UBE3D: variants seen among roughly 807,000 people sequenced by gnomAD.
UBE3D encodes the protein ubiquitin protein ligase E3D, also known as E3 ubiquitin-protein ligase E3D.
Under a neutral mutation model 49.6 loss-of-function variants are expected in UBE3D, and 48 were observed. That is an observed-to-expected ratio of 0.97 (90% confidence interval 0.77 to 1.23). The LOEUF (loss-of-function observed/expected upper bound fraction) is 1.23, where lower values mean the gene tolerates loss of function less well. UBE3D is among the 50% of genes most tolerant of loss of function. The pLI is 0.00. For synonymous variants in UBE3D, 189 were observed against 174.2 expected, an observed-to-expected ratio of 1.08 and a Z score of -0.67; for missense variants, 452 against 468.4, an observed-to-expected ratio of 0.96 and a Z score of 0.32.
rs1234942725 is a variant in UBE3D at position 83,025,902 on chromosome 6, A to AAG, written c.668-1865_668-1864insCT. The stretch of plus-strand genomic sequence containing the variant: ...CATCTTAAAAAAAAAAAAAAAAAAA[A>AAG]AAAGAAAAATTGTGTATGTATTGTG... On this transcript the variant is annotated intron_variant, in intron 5 of 9. Coordinates refer to ENST00000369747, the MANE Select transcript of UBE3D (RefSeq NM_198920.3). 6.9e-3 allele frequency among the ~76,000 whole-genome samples: 1,044 copies of AAG among 150,546 alleles called. 16 individuals carry two copies. The highest frequency in any genetic ancestry group is 0.024 in the African/African-American group (981 of 40,442).
chr6:82,996,030 A>G (rs1353093979), intron 8 of UBE3D, among the ~76,000 whole-genome samples: 1 of 152,012 alleles, frequency 6.6e-6, no homozygotes, highest in African/African-American at 2.4e-5. Flanking sequence ...ATGCCACCGC[A>G]CTCCAGCCTG....
At chr6:82,905,280 T>C in intron 9 of UBE3D, among the ~76,000 whole-genome samples, 1 of 152,196 alleles carries the variant, frequency 6.6e-6, no homozygotes, top group East Asian at 1.9e-4. Context: ...GCTCACTTCA[T>C]TTTTCTGCAT....
intron 6 of UBE3D, among the ~76,000 whole-genome samples, chr6:83,023,349 T>C (rs963741434): frequency 6.6e-6 from 1 of 152,230 alleles, no homozygotes; most frequent in Non-Finnish European, 1.5e-5. Flanking sequence ...AGCACATTTG[T>C]CTACAGCACT....
In UBE3D at chr6:82,892,752, C is replaced by G. The variant is rs55979660; in HGVS notation, c.*270G>C. 549 of 454,790 alleles carry G rather than the reference C, an allele frequency of 1.2e-3. 1 individual carries two copies. Among genetic ancestry groups the G allele is most frequent in the Non-Finnish European group, 1.9e-3 (467 of 244,586 alleles). 28.2% of individuals were successfully genotyped at this position (454,790 alleles called of 1,614,324 possible). On this transcript the variant is annotated 3_prime_UTR_variant, in exon 10 of 10. Coordinates refer to ENST00000369747, the MANE Select transcript of UBE3D (RefSeq NM_198920.3). The stretch of plus-strand genomic sequence containing the variant: ...ACACTGCACATATGTGAATATTCCT[C>G]TCTGTGGGAAATAGAGATGTAACTT...
intron 8 of UBE3D, among the ~76,000 whole-genome samples, chr6:83,014,205 C>T (rs1361361579): frequency 6.6e-6 from 1 of 152,226 alleles, no homozygotes; most frequent in Non-Finnish European, 1.5e-5. Flanking sequence ...GTCTTCTGCA[C>T]AGGCCAAATA....
intron 5 of UBE3D, 45 bp downstream of exon 5, chr6:83,038,371 A>G: frequency 7.0e-7 from 1 of 1,435,322 alleles, no homozygotes; most frequent in Non-Finnish European, 9.7e-7. Context: ...TCTGGCTTTT[A>G]AGCAAGAAGC....
chr6:83,049,528 T>C (rs1783316453), intron 3 of UBE3D, among the ~76,000 whole-genome samples: 1 of 152,226 alleles, frequency 6.6e-6, no homozygotes, highest in Non-Finnish European at 1.5e-5. Flanking sequence ...TTTGTAGAAA[T>C]GTGACTGTAT....
chr6:82,939,442 G>A (rs1487004208), intron 9 of UBE3D, among the ~76,000 whole-genome samples: 1 of 152,204 alleles, frequency 6.6e-6, no homozygotes, highest in African/African-American at 2.4e-5. Flanking sequence ...GGGACCACAT[G>A]TACAACAGTA....
intron 9 of UBE3D, among the ~76,000 whole-genome samples, chr6:82,900,979 T>G (rs1050570965): frequency 7.2e-5 from 11 of 152,202 alleles, no homozygotes; most frequent in African/African-American, 2.7e-4. Context: ...AATTCCTGTT[T>G]AAATACGTGA....
intron 8 of UBE3D, among the ~76,000 whole-genome samples, chr6:82,986,674 CAT>C (rs1199758014): frequency 1.3e-4 from 19 of 147,520 alleles, no homozygotes; most frequent in Non-Finnish European, 1.9e-4. Flanking sequence ...ATGGATTATA[CAT>C]ATATCTTTTA....
chr6:82,989,865 C>A lies in UBE3D; in HGVS notation c.1010+29108G>T, dbSNP rs552137969. Among the ~76,000 whole-genome samples, 18 of 152,350 alleles carry A rather than the reference C, an allele frequency of 1.2e-4. No homozygotes were observed. In the East Asian group the frequency reaches 3.3e-3, roughly 28 times the overall value. The stretch of plus-strand genomic sequence containing the variant: ...TCATTTTCCAGGCCTCACTGCCCTG[C>A]TTCCTCTGAACAAAACACATAATGC... On this transcript the variant is annotated intron_variant, in intron 8 of 9. Coordinates refer to ENST00000369747, the MANE Select transcript of UBE3D (RefSeq NM_198920.3).
chr6:82,888,805 T>C (rs1238116812), downstream of UBE3D, among the ~76,000 whole-genome samples: 1 of 142,428 alleles, frequency 7.0e-6, no homozygotes, highest in Non-Finnish European at 1.5e-5. Context: ...TTTTTAAAAA[T>C]GTTGTTTTGA....
chr6:83,060,781 TC>T (rs1417621446), intron 1 of UBE3D, among the ~76,000 whole-genome samples: 1 of 151,940 alleles, frequency 6.6e-6, no homozygotes, highest in African/African-American at 2.4e-5. Context: ...GCAGAAACCA[TC>T]CAGAAAGGAC....
intron 5 of UBE3D, among the ~76,000 whole-genome samples, chr6:83,025,653 C>T (rs907299503): frequency 6.6e-6 from 1 of 151,880 alleles, no homozygotes; most frequent in Non-Finnish European, 1.5e-5. Context: ...GAGGCTGAGG[C>T]GAGCAGATCA....
intron 9 of UBE3D, among the ~76,000 whole-genome samples, chr6:82,951,428 G>A (rs938244536): frequency 3.3e-5 from 5 of 152,132 alleles, no homozygotes; most frequent in Non-Finnish European, 7.4e-5. Flanking sequence ...GGTAAGATGT[G>A]GGAATAAACA....
At chr6:83,007,552 A>T (rs1473477675) in intron 8 of UBE3D, among the ~76,000 whole-genome samples, 1 of 152,238 alleles carries the variant, frequency 6.6e-6, no homozygotes, top group Non-Finnish European at 1.5e-5. Context: ...TACTCTTCAT[A>T]TTTCCAAAAC....
chr6:82,973,361 C>A lies in UBE3D; in HGVS notation c.1011-15911G>T, dbSNP rs375689222. On this transcript the variant is annotated intron_variant, in intron 8 of 9. Transcript: ENST00000369747. ...TTGCAGAGAGGTCTGATTATTGAAA[C>A]TGGAAAATATACTCCAGTTTTATTC... Among the ~76,000 whole-genome samples the A allele has an allele frequency of 1.9e-4, 29 of 152,270 alleles. No homozygotes were observed. In the East Asian group the frequency reaches 5.6e-3, roughly 29 times the overall value.
chr6:83,027,059 G>A (rs1035439237), intron 5 of UBE3D, among the ~76,000 whole-genome samples: 2 of 151,902 alleles, frequency 1.3e-5, no homozygotes, highest in African/African-American at 4.8e-5. Flanking sequence ...GAATATTCAC[G>A]ATTTTATCAA....
intron 8 of UBE3D, among the ~76,000 whole-genome samples, chr6:82,967,151 A>G (rs1006667267): frequency 2.0e-5 from 3 of 151,906 alleles, no homozygotes; most frequent in Non-Finnish European, 4.4e-5. Context: ...ATTTCTTCCC[A>G]CTTTTTGTTC....
Sources: gnomAD v4.1 joint callset for allele counts (sites outside exome capture counted in the v4.1 genomes callset) on GRCh38, gnomAD v4.1.1 for gene constraint, MANE v1.5 for transcripts, NCBI Gene and HGNC (gene_info 2026-07-23, HGNC 2026-07-21) for gene names.